Variants in GAS2L3 observed in about 807,000 individuals in gnomAD.
GAS2L3 encodes the protein GAS2-like protein 3.
GAS2L3 carries 28 observed loss-of-function variants against 37.0 expected under a neutral mutation model. That is an observed-to-expected ratio of 0.76 (90% CI 0.56 to 1.04). The LOEUF (loss-of-function observed/expected upper bound fraction) is 1.04. Among genes scored for constraint, GAS2L3 ranks in the 50% least tolerant of loss-of-function variants. The pLI is 0.00. For missense variants in GAS2L3, 793 were observed against 817.6 expected (o/e 0.97, Z 0.37); for synonymous variants, 290 against 296.6 (o/e 0.98, Z 0.23).
chr12:100,585,191 G>A (rs894720959), intron 1 of GAS2L3, among the ~76,000 whole-genome samples: 23 of 148,180 alleles, frequency 1.6e-4, no homozygotes, highest in African/African-American at 5.0e-4. Context: ...GAGCCACTGT[G>A]CCTGGTCCTA....
chr12:100,579,519 A>G (rs1955681459), intron 1 of GAS2L3: 14 of 773,952 alleles, frequency 1.8e-5, no homozygotes, highest in Non-Finnish European at 3.1e-5. Flanking sequence ...TTTAAATTTC[A>G]TAATTGGAGG....
intron 6 of GAS2L3, among the ~76,000 whole-genome samples, chr12:100,616,980 G>A (rs896337236): frequency 7.9e-5 from 12 of 151,080 alleles, no homozygotes; most frequent in African/African-American, 2.2e-4. Flanking sequence ...TTATCAGATT[G>A]AGAAACTTTC....
At position 100,622,278 on chromosome 12, in the gene GAS2L3, A is replaced by G. The variant is rs1442776902; in HGVS notation, c.652A>G (p.Lys218Glu). ...CRHEELHEAV[K>E]HIAEDPPCSC... ...TTTTATTTGTTCGTCATCTTAGGTT[A>G]AACATATTGCTGAGGACCCTCCTTG... The change falls in exon 9 of 10, where the codon AAA (lysine) becomes GAA (glutamate). Residue 218 changes from lysine (K) to glutamate (E), a missense_variant. Physicochemically the swap from Lys to Glu is moderately conservative, Grantham distance 56. Coordinates refer to ENST00000547754, the MANE Select transcript of GAS2L3 (RefSeq NM_174942.3). The G allele has an allele frequency of 5.8e-6, 9 of 1,552,284 alleles. No homozygotes were observed. The highest frequency in any genetic ancestry group is 8.0e-6 in the Non-Finnish European group (9 of 1,128,978).
rs892444570 is a variant in GAS2L3 at position 100,627,219 on chromosome 12, AT to A, written c.*2330del. On this transcript the variant is annotated 3_prime_UTR_variant, in exon 10 of 10. Coordinates refer to ENST00000547754, the MANE Select transcript of GAS2L3 (RefSeq NM_174942.3). ...TCATGTTGAATGAATTTTTATTTAT[AT>A]ATAGCTTACCCTTCCAAAATAAAAG... 4.6e-5 allele frequency among the ~76,000 whole-genome samples: 7 copies of A among 152,118 alleles called. No individual in the cohort carries two copies. The highest frequency in any genetic ancestry group is 1.7e-4 in the African/African-American group (7 of 41,446).
intron 5 of GAS2L3, among the ~76,000 whole-genome samples, chr12:100,610,312 T>G (rs1006438391): frequency 2.0e-5 from 3 of 152,216 alleles, no homozygotes; most frequent in African/African-American, 7.2e-5. Context: ...GGAAACAATT[T>G]TTTAAATATG....
chr12:100,577,614 A>G (rs1955653761), intron 1 of GAS2L3, among the ~76,000 whole-genome samples: 1 of 152,338 alleles, frequency 6.6e-6, no homozygotes, highest in African/African-American at 2.4e-5. Flanking sequence ...TGCATTTAGG[A>G]GTAATTCTAG....
rs942611669 is a variant in GAS2L3 at position 100,578,913 on chromosome 12, C to G, written c.-152+5128C>G. 4 of 880,360 alleles carry G rather than the reference C, an allele frequency of 4.5e-6. No individual in the cohort carries two copies. In the African/African-American group the frequency reaches 6.6e-5, roughly 15 times the overall value. 54.5% of individuals were successfully genotyped at this position (880,360 alleles called of 1,614,324 possible). A position where few individuals can be genotyped will look rare whatever the true frequency, so the allele number is the denominator to read the frequency against. On this transcript the variant is annotated intron_variant, in intron 1 of 9. Coordinates refer to ENST00000547754, the MANE Select transcript of GAS2L3 (RefSeq NM_174942.3). Reference sequence around the variant, plus strand: ...GTGGAAAGCCACATTTACCAGCTCCCTCAGTGCCTGATTGGAAGAGGGGAT... The same window carrying G: ...GTGGAAAGCCACATTTACCAGCTCCGTCAGTGCCTGATTGGAAGAGGGGAT...
At chr12:100,600,288 G>C (rs1015499707) in intron 3 of GAS2L3, 94 bp from the exon 4 acceptor site, 1 of 789,202 alleles carries the variant, frequency 1.3e-6, no homozygotes, top group African/African-American at 1.7e-5. Flanking sequence ...TATTATGTAT[G>C]ATTTATGCTT....
chr12:100,591,414 G>A (rs1955845112), intron 1 of GAS2L3, among the ~76,000 whole-genome samples: 1 of 152,160 alleles, frequency 6.6e-6, no homozygotes, highest in African/African-American at 2.4e-5. Flanking sequence ...TGAGTTGTCA[G>A]TCACAAATTT....
chr12:100,584,970 G>A (rs1955761387), intron 1 of GAS2L3, among the ~76,000 whole-genome samples: 1 of 139,298 alleles, frequency 7.2e-6, no homozygotes, highest in South Asian at 2.4e-4. Flanking sequence ...CTCCCTGCAA[G>A]CTCTGCCTCC....
chr12:100,604,494 T>A (rs1956032320), intron 5 of GAS2L3, among the ~76,000 whole-genome samples: 1 of 125,572 alleles, frequency 8.0e-6, no homozygotes, highest in Non-Finnish European at 1.7e-5. Context: ...TTTTTTTGAG[T>A]GTGGGGTCTT....
intron 6 of GAS2L3, among the ~76,000 whole-genome samples, chr12:100,612,743 A>G (rs1310426127): frequency 6.6e-6 from 1 of 152,192 alleles, no homozygotes; most frequent in Non-Finnish European, 1.5e-5. Context: ...GTACATACAC[A>G]CACACACCCA....
chr12:100,601,974 C>A (rs992729739), intron 5 of GAS2L3, among the ~76,000 whole-genome samples: 2 of 151,882 alleles, frequency 1.3e-5, no homozygotes, highest in African/African-American at 4.8e-5. Context: ...GAAAAATGTT[C>A]TCTTTCATAA....
intron 3 of GAS2L3, among the ~76,000 whole-genome samples, chr12:100,599,811 T>G (rs1485220591): frequency 6.6e-6 from 1 of 152,244 alleles, no homozygotes; most frequent in Non-Finnish European, 1.5e-5. Flanking sequence ...CTTGTTAAAC[T>G]TACTCAGCTA....
chr12:100,574,711 A>G (rs1955613793), intron 1 of GAS2L3, among the ~76,000 whole-genome samples: 1 of 152,220 alleles, frequency 6.6e-6, no homozygotes, highest in Admixed American at 6.5e-5. Context: ...ACAAACAAAC[A>G]AAAACAACAA....
chr12:100,605,718 C>T (rs2136491130), intron 5 of GAS2L3, among the ~76,000 whole-genome samples: 1 of 151,690 alleles, frequency 6.6e-6, no homozygotes, highest in South Asian at 2.1e-4. Flanking sequence ...AGAAATTTTT[C>T]AATTTTCTTC....
In GAS2L3 at chr12:100,628,025, A is replaced by G. The variant is rs1375633727; in HGVS notation, c.*3135A>G. ...GATGACCTCTAACTTTACTGTCCAT[A>G]TGGAGTTTGTCATTCTTTATGGATA... On this transcript the variant is annotated 3_prime_UTR_variant, in exon 10 of 10. Coordinates refer to ENST00000547754, the MANE Select transcript of GAS2L3 (RefSeq NM_174942.3). 1 of 152,182 alleles carries G rather than the reference A, an allele frequency of 6.6e-6. No individual in the cohort carries two copies. 9.4% of individuals were successfully genotyped at this position (152,182 alleles called of 1,614,324 possible). A position where few individuals can be genotyped will look rare whatever the true frequency, so the allele number is the denominator to read the frequency against.
intron 1 of GAS2L3, chr12:100,579,121 T>A: frequency 1.4e-6 from 1 of 704,310 alleles, no homozygotes; most frequent in Non-Finnish European, 2.7e-6. Flanking sequence ...CAATAATCCA[T>A]TCACATAGTT....
At chr12:100,584,578 T>TC (rs1955754296) in intron 1 of GAS2L3, among the ~76,000 whole-genome samples, 1 of 151,130 alleles carries the variant, frequency 6.6e-6, no homozygotes, top group Admixed American at 6.6e-5. Flanking sequence ...TACTTGAATG[T>TC]CTTTTTTTTT....
Sources: gnomAD v4.1 joint callset for allele counts (sites outside exome capture counted in the v4.1 genomes callset) on GRCh38, gnomAD v4.1.1 for gene constraint, MANE v1.5 for transcripts, NCBI Gene and HGNC (gene_info 2026-07-23, HGNC 2026-07-21) for gene names.